SDF2L1: variants seen among roughly 807,000 people sequenced by gnomAD.
The protein encoded by SDF2L1 is stromal cell-derived factor 2-like protein 1.
A neutral mutation model predicts 19.4 loss-of-function variants in SDF2L1; 18 were observed. That is an observed-to-expected ratio of 0.93 (90% confidence interval 0.64 to 1.38). The LOEUF is 1.38. Ranked by LOEUF, SDF2L1 falls within the 40% of genes most tolerant of loss-of-function variation. SDF2L1 has a pLI of 0.00. For synonymous variants in SDF2L1, 161 were observed against 148.9 expected (o/e 1.08, Z -0.59); for missense variants, 263 against 319.4 (o/e 0.82, Z 1.35).
Position 21,642,502 on chromosome 22 carries a change from C to T in SDF2L1, c.166C>T (p.His56Tyr), listed in dbSNP as rs1362283300. The T allele has an allele frequency of 1.6e-5, 24 of 1,518,464 alleles. No individual in the cohort carries two copies. Among genetic ancestry groups the T allele is most frequent in the Admixed American group, 7.5e-5 (3 of 40,132 alleles). 94.1% of individuals were successfully genotyped at this position (1,518,464 alleles called of 1,614,324 possible). Residue 56 changes from histidine (H) to tyrosine (Y), a missense_variant, in exon 1 of 3, where the codon CAC (histidine) becomes TAC (tyrosine). By Grantham distance (83) the His-to-Tyr change is moderately conservative. Around this residue, in one of 3 missense-constraint regions of SDF2L1, gnomAD observed 203 missense variants for 256.9 expected, o/e 0.79. Coordinates refer to ENST00000248958, the MANE Select transcript of SDF2L1 (RefSeq NM_022044.3). Reference protein sequence around the residue: ...NTHHRVRLHSHDIKYGSGSGQ... With the variant: ...NTHHRVRLHSYDIKYGSGSGQ... ...GCACCACCGCGTGCGGCTGCACTCGCACGACATCAAATACGGATCCGGTGC... is the reference window on the plus strand; with the variant it reads ...GCACCACCGCGTGCGGCTGCACTCGTACGACATCAAATACGGATCCGGTGC...
In SDF2L1 at chr22:21,642,527, C is replaced by T. The variant is rs1319665333; in HGVS notation, c.187+4C>T. Reference sequence around the variant, plus strand: ...CACGACATCAAATACGGATCCGGTGCGTGGGGCCAGCGACTGGGAGAGCGC... The same window carrying T: ...CACGACATCAAATACGGATCCGGTGTGTGGGGCCAGCGACTGGGAGAGCGC... On this transcript the variant is annotated splice_donor_region_variant and intron_variant, in intron 1 of 2. Coordinates refer to ENST00000248958, the MANE Select transcript of SDF2L1 (RefSeq NM_022044.3). 1 of 1,516,672 alleles carries T rather than the reference C, an allele frequency of 6.6e-7. No homozygotes were observed. Among genetic ancestry groups the T allele is most frequent in the Non-Finnish European group, 8.8e-7 (1 of 1,138,656 alleles). 94.0% of individuals were successfully genotyped at this position (1,516,672 alleles called of 1,614,324 possible).
Position 21,643,159 on chromosome 22 carries a change from GGAAATTTCACTTCAGA to G in SDF2L1, c.384+104_384+119del, listed in dbSNP as rs557165598. The G allele has an allele frequency of 1.9e-3, 2,589 of 1,380,228 alleles. 49 individuals carry two copies. In the South Asian group the frequency reaches 0.025, roughly 13 times the overall value. The allele number at this position is 1,380,228 out of a possible 1,614,324, so 85.5% of individuals were successfully genotyped here. ...CCGAGCCTCAGCTTCTTCGTGAAATGGAAATTTCACTTCAGAGATGGTTACTGAGCGCCCCCTCGGG... is the reference window on the plus strand; with the variant it reads ...CCGAGCCTCAGCTTCTTCGTGAAATGGATGGTTACTGAGCGCCCCCTCGGG... On this transcript the variant is annotated intron_variant, in intron 2 of 2. Transcript: ENST00000248958.
In SDF2L1 at chr22:21,644,288, G is replaced by A; in HGVS notation, c.*113G>A. On this transcript the variant is annotated 3_prime_UTR_variant, in exon 3 of 3. Coordinates refer to ENST00000248958, the MANE Select transcript of SDF2L1 (RefSeq NM_022044.3). Reference sequence around the variant, plus strand: ...TCAAGTGCCTTTGTGATTAAAGAATGTTGGTCTATGATTGCGTTTCACTGT... The same window carrying A: ...TCAAGTGCCTTTGTGATTAAAGAATATTGGTCTATGATTGCGTTTCACTGT... 1.7e-6 allele frequency: 2 copies of A among 1,185,338 alleles called. No homozygotes were observed. Among genetic ancestry groups the A allele is most frequent in the Non-Finnish European group, 2.4e-6 (2 of 829,550 alleles). 73.4% of individuals were successfully genotyped at this position (1,185,338 alleles called of 1,614,324 possible).
At position 21,643,009 on chromosome 22, in the gene SDF2L1, G is replaced by T. The variant is rs370905698; in HGVS notation, c.335G>T (p.Gly112Val). 2.2e-5 allele frequency: 35 copies of T among 1,562,454 alleles called. No homozygotes were observed. The African/African-American group carries it at 4.1e-4, about 18-fold the overall frequency. Reference sequence around the variant, plus strand: ...GTGAGGCTCACGCATGTGCTTACGGGCAAGAACCTGCACACGCACCACTTC... The same window carrying T: ...GTGAGGCTCACGCATGTGCTTACGGTCAAGAACCTGCACACGCACCACTTC... ...QAVRLTHVLTGKNLHTHHFPS... is the reference protein window; with the variant it reads ...QAVRLTHVLTVKNLHTHHFPS... Residue 112 changes from glycine to valine, a missense_variant, in exon 2 of 3, where the codon GGC becomes GTC. By Grantham distance (109) the Gly-to-Val change is moderately radical (BLOSUM62 -3). This residue lies in a region of SDF2L1 where 203 missense variants were observed against 256.9 expected (regional missense o/e 0.79). Transcript: ENST00000248958.
At chr22:21,642,740 G>T (rs1028859997) in intron 1 of SDF2L1, 122 bp from the exon 2 acceptor site, 3 of 1,251,514 alleles carry the variant, frequency 2.4e-6, no homozygotes, top group Non-Finnish European at 3.3e-6. Context: ...GACTGAGGGG[G>T]TGTCAGGCGG....
intron 1 of SDF2L1, 55 bp from the exon 2 acceptor site, chr22:21,642,807 G>A (rs2066089932): frequency 6.5e-7 from 1 of 1,543,790 alleles, no homozygotes; most frequent in Non-Finnish European, 8.7e-7. Context: ...CAGGGCGAGG[G>A]TCCGGGGTTC....
intron 2 of SDF2L1, 106 bp downstream of exon 2, chr22:21,643,164 T>C: frequency 7.3e-7 from 1 of 1,370,800 alleles, no homozygotes; most frequent in South Asian, 1.4e-5. Flanking sequence ...GAAATGGAAA[T>C]TTCACTTCAG....
Position 21,644,068 on chromosome 22 carries a change from G to A in SDF2L1, c.559G>A (p.Glu187Lys), listed in dbSNP as rs2066103307. 1 of 1,614,184 alleles carries A rather than the reference G, an allele frequency of 6.2e-7. No homozygotes were observed. Among genetic ancestry groups the A allele is most frequent in the Non-Finnish European group, 8.5e-7 (1 of 1,180,020 alleles). ...TGGAAGCCCCATCCGTGGGCAGCAT[G>A]AGGTCCACGGCATGCCCAGTGCCAA... The part of the protein sequence containing the change: ...QYGSPIRGQH[E>K]VHGMPSANTH... Residue 187 changes from glutamate (E) to lysine (K), a missense_variant, in exon 3 of 3, where the codon GAG (glutamate) becomes AAG (lysine). Physicochemically the swap from Glu to Lys is moderately conservative, Grantham distance 56. Transcript: ENST00000248958.
At chr22:21,643,847 G>A in intron 2 of SDF2L1, 47 bp from the exon 3 acceptor site, 1 of 1,559,944 alleles carries the variant, frequency 6.4e-7, no homozygotes, top group East Asian at 2.3e-5. Flanking sequence ...AGGTGCGAAT[G>A]CCGCCTTCTG....
chr22:21,642,516 C>G lies in SDF2L1; in HGVS notation c.180C>G (p.Tyr60Ter). The G allele has an allele frequency of 2.6e-6, 4 of 1,521,612 alleles. No homozygotes were observed. The highest frequency in any genetic ancestry group is 3.5e-6 in the Non-Finnish European group (4 of 1,139,896). 94.3% of individuals were successfully genotyped at this position (1,521,612 alleles called of 1,614,324 possible). The change falls in exon 1 of 3, where the codon TAC becomes TAG. Residue 60 changes from tyrosine to a stop codon, truncating the protein, a stop_gained. Coordinates refer to ENST00000248958, the MANE Select transcript of SDF2L1 (RefSeq NM_022044.3). LOFTEE classifies it high-confidence loss of function. ...RVRLHSHDIK[Y>*]GSGSGQQSVT... ...GGCTGCACTCGCACGACATCAAATACGGATCCGGTGCGTGGGGCCAGCGAC... is the reference window on the plus strand; with the variant it reads ...GGCTGCACTCGCACGACATCAAATAGGGATCCGGTGCGTGGGGCCAGCGAC...
At chr22:21,642,590 G>A (rs1191974138) in intron 1 of SDF2L1, 67 bp downstream of exon 1, 1 of 1,484,858 alleles carries the variant, frequency 6.7e-7, no homozygotes, top group East Asian at 2.5e-5. Flanking sequence ...GTGGAGACAG[G>A]GTGGTCATGG....
In SDF2L1 at chr22:21,642,377, T is replaced by C. The variant is rs1362158142; in HGVS notation, c.41T>C (p.Leu14Pro). 1.4e-6 allele frequency: 2 copies of C among 1,437,628 alleles called. No homozygotes were observed. Among genetic ancestry groups the C allele is most frequent in the Non-Finnish European group, 1.8e-6 (2 of 1,105,816 alleles). 89.1% of individuals were successfully genotyped at this position (1,437,628 alleles called of 1,614,324 possible). ...AGRGGAAWPVLLGLLLALLVP... is the reference protein window; with the variant it reads ...AGRGGAAWPVPLGLLLALLVP... Reference sequence around the variant, plus strand: ...CGCGGCGGGGCTGCCTGGCCGGTGCTGTTGGGGCTGCTGCTGGCGCTGTTA... The same window carrying C: ...CGCGGCGGGGCTGCCTGGCCGGTGCCGTTGGGGCTGCTGCTGGCGCTGTTA... Residue 14 changes from leucine (L) to proline (P), a missense_variant, in exon 1 of 3, where the codon CTG becomes CCG. By Grantham distance (98) the Leu-to-Pro change is moderately conservative. This residue lies in a region of SDF2L1 where 56 missense variants were observed against 45.3 expected (regional missense o/e 1.24). Transcript: ENST00000248958.
chr22:21,642,711 G>C, intron 1 of SDF2L1, 151 bp from the exon 2 acceptor site: 1 of 1,162,712 alleles, frequency 8.6e-7, no homozygotes, highest in Admixed American at 2.8e-5. Context: ...GACGGTCGTC[G>C]GGGAACTGCG....
At chr22:21,643,366 A>G in intron 2 of SDF2L1, 1 of 532,020 alleles carries the variant, frequency 1.9e-6, no homozygotes, top group South Asian at 2.2e-5. Flanking sequence ...GGAATAGGAA[A>G]CTCCACTGGG....
rs1465384092 is a variant in SDF2L1, at chr22:21,644,132, T to A, written c.623T>A (p.Ile208Asn). ...TGGAAGGCCATGGAAGGCATCTTCA[T>A]CAAGCCTAGTGTGGAGCCCTCTGCA... is the stretch of plus-strand genomic sequence containing the variant. ...NTWKAMEGIF[I>N]KPSVEPSAGH... Residue 208 changes from isoleucine (I) to asparagine (N), a missense_variant, in exon 3 of 3, where the codon ATC (isoleucine) becomes AAC (asparagine). Ile to Asn is a moderately radical substitution (Grantham distance 149, BLOSUM62 -3). Around this residue, in one of 3 missense-constraint regions of SDF2L1, gnomAD observed 203 missense variants for 256.9 expected, o/e 0.79. Coordinates refer to ENST00000248958, the MANE Select transcript of SDF2L1 (RefSeq NM_022044.3). 1.2e-6 allele frequency: 2 copies of A among 1,614,188 alleles called. No homozygotes were observed. Among genetic ancestry groups the A allele is most frequent in the Non-Finnish European group, 1.7e-6 (2 of 1,180,038 alleles).
rs774843380 is a variant in SDF2L1 at position 21,642,366 on chromosome 22, C to G, written c.30C>G (p.Ala10=). Residue 10 remains alanine (A), a synonymous_variant, in exon 1 of 3, where the codon GCC becomes GCG. Coordinates refer to ENST00000248958, the MANE Select transcript of SDF2L1 (RefSeq NM_022044.3). MWSAGRGGA[A]WPVLLGLLLA... Reference sequence around the variant, plus strand: ...GGAGCGCGGGCCGCGGCGGGGCTGCCTGGCCGGTGCTGTTGGGGCTGCTGC... The same window carrying G: ...GGAGCGCGGGCCGCGGCGGGGCTGCGTGGCCGGTGCTGTTGGGGCTGCTGC... The G allele has an allele frequency of 1.4e-6, 2 of 1,409,944 alleles. No homozygotes were observed. Among genetic ancestry groups the G allele is most frequent in the Middle Eastern group, 2.5e-4 (1 of 4,008 alleles). 87.3% of individuals were successfully genotyped at this position (1,409,944 alleles called of 1,614,324 possible). A position where few individuals can be genotyped will look rare whatever the true frequency, so the allele number is the denominator to read the frequency against.
At chr22:21,643,830 G>A (rs2066100237) in intron 2 of SDF2L1, 64 bp from the exon 3 acceptor site, 2 of 1,501,248 alleles carry the variant, frequency 1.3e-6, no homozygotes, top group South Asian at 2.5e-5. Context: ...CCGAGGCTCG[G>A]TGTACTAGGT....
chr22:21,642,932 C>T lies in SDF2L1; in HGVS notation c.258C>T (p.Gly86=), dbSNP rs755777894. Residue 86 remains glycine (G), a synonymous_variant, in exon 2 of 3, where the codon GGC becomes GGT. Transcript: ENST00000248958. Reference sequence around the variant, plus strand: ...CCAATAGCTACTGGCGGATCCGCGGCGGCTCGGAGGGCGGGTGCCCGCGCG... The same window carrying T: ...CCAATAGCTACTGGCGGATCCGCGGTGGCTCGGAGGGCGGGTGCCCGCGCG... The part of the protein sequence containing the change: ...DDANSYWRIR[G]GSEGGCPRGS... 1.9e-6 allele frequency: 3 copies of T among 1,582,030 alleles called. No homozygotes were observed. The highest frequency in any genetic ancestry group is 1.8e-5 in the Admixed American group (1 of 55,212).
In SDF2L1 at chr22:21,643,888, C is replaced by T; in HGVS notation, c.385-6C>T. 1.2e-6 allele frequency: 2 copies of T among 1,611,086 alleles called. No individual in the cohort carries two copies. The highest frequency in any genetic ancestry group is 1.7e-6 in the Non-Finnish European group (2 of 1,178,306). ...ACCACTGTCTTCTCATCCTTTGCAC[C>T]TATAGGAGGTGAGTGCCTTTGGGGA... On this transcript the variant is annotated splice_polypyrimidine_tract_variant and splice_region_variant and intron_variant, in intron 2 of 2. Coordinates refer to ENST00000248958, the MANE Select transcript of SDF2L1 (RefSeq NM_022044.3).
Sources: allele counts gnomAD v4.1 joint callset, GRCh38; gene constraint gnomAD v4.1.1; regional missense constraint gnomAD v4.1.1; transcripts MANE v1.5; gene names NCBI Gene and HGNC (gene_info 2026-07-23, HGNC 2026-07-21).